Variants in PTPN11 observed in about 807,000 individuals in gnomAD.
PTPN11 encodes the protein protein tyrosine phosphatase non-receptor type 11, also known as tyrosine-protein phosphatase non-receptor type 11.
PTPN11 carries 6 observed loss-of-function variants against 78.8 expected under a neutral mutation model. The observed-to-expected ratio is 0.08, with a 90% CI of 0.04 to 0.15. The LOEUF (loss-of-function observed/expected upper bound fraction) is 0.15, where lower values mean the gene tolerates loss of function less well. PTPN11 is among the 10% of genes least tolerant of loss of function. PTPN11 has a pLI of 1.00. For missense variants in PTPN11, 386 were observed against 744.8 expected (o/e 0.52, Z 5.61); for synonymous variants, 221 against 263.5 (o/e 0.84, Z 1.56).
chr12:112,489,236 T>C, intron 13 of PTPN11, 61 bp downstream of exon 13: 2 of 1,589,822 alleles, frequency 1.3e-6, no homozygotes, highest in South Asian at 1.1e-5. Context: ...TTGGATACGC[T>C]CTCCTTTTGA....
At chr12:112,502,646 C>A (rs2038889889) in intron 14 of PTPN11, among the ~76,000 whole-genome samples, 1 of 152,130 alleles carries the variant, frequency 6.6e-6, no homozygotes, top group African/African-American at 2.4e-5. Context: ...ACTCAGGAGG[C>A]TGAGGCAGGA....
chr12:112,482,034 GT>G lies in PTPN11; in HGVS notation c.1093-38del. On this transcript the variant is annotated intron_variant, in intron 9 of 15. Transcript: ENST00000351677. This position sits in a 1 kb window ranked among gnomAD's most constrained non-coding sequence, Gnocchi z 4.4. ...TGCTTGTTTAGGCTTTTATTTCAGAGTTCACAGAATTAACTTTCTTTTTTTC... is the reference window on the plus strand; with the variant it reads ...TGCTTGTTTAGGCTTTTATTTCAGAGTCACAGAATTAACTTTCTTTTTTTC... 6.5e-7 allele frequency: 1 copy of G among 1,527,226 alleles called. No homozygotes were observed. The highest frequency in any genetic ancestry group is 9.1e-7 in the Non-Finnish European group (1 of 1,102,762). 94.6% of individuals were successfully genotyped at this position (1,527,226 alleles called of 1,614,324 possible). A position where few individuals can be genotyped will look rare whatever the true frequency, so the allele number is the denominator to read the frequency against.
In PTPN11 at chr12:112,482,499, C is replaced by T. The variant is rs2038611738; in HGVS notation, c.1224+294C>T. Among the ~76,000 whole-genome samples the T allele has an allele frequency of 6.6e-6, 1 of 152,110 alleles. No homozygotes were observed. The highest frequency in any genetic ancestry group is 2.4e-5 in the African/African-American group (1 of 41,412). On this transcript the variant is annotated intron_variant, in intron 10 of 15. Coordinates refer to ENST00000351677, the MANE Select transcript of PTPN11 (RefSeq NM_002834.5). This position sits in a 1 kb window ranked among gnomAD's most constrained non-coding sequence, Gnocchi z 4.4. ...CCTGTAATCCCAGCACTTTGGGAGG[C>T]TGAGGTGGGTGGATCGCTTGAGCCG...
At chr12:112,479,998 T>C (rs991715522) in intron 9 of PTPN11, among the ~76,000 whole-genome samples, 2 of 152,226 alleles carry the variant, frequency 1.3e-5, no homozygotes, top group Non-Finnish European at 2.9e-5. Flanking sequence ...CAAGCCAGAC[T>C]GTGGACTGTG....
intron 1 of PTPN11, among the ~76,000 whole-genome samples, chr12:112,435,046 G>A (rs2037768464): frequency 6.6e-6 from 1 of 150,778 alleles, no homozygotes; most frequent in Non-Finnish European, 1.5e-5. Flanking sequence ...CTTGGCCTCC[G>A]AAAGTGCTGT....
chr12:112,459,990 C>G (rs2038224727), intron 6 of PTPN11, among the ~76,000 whole-genome samples: 1 of 152,002 alleles, frequency 6.6e-6, no homozygotes, highest in Admixed American at 6.6e-5. Flanking sequence ...CTCTGTTGCC[C>G]AGGCTGGAGT....
intron 1 of PTPN11, among the ~76,000 whole-genome samples, chr12:112,421,880 G>A (rs781269794): frequency 1.3e-5 from 2 of 152,070 alleles, no homozygotes; most frequent in Non-Finnish European, 2.9e-5. Context: ...TTCCTGCCTC[G>A]GCCTCCCAAA....
At chr12:112,441,273 TA>T (rs1482761726) in intron 1 of PTPN11, among the ~76,000 whole-genome samples, 1 of 149,612 alleles carries the variant, frequency 6.7e-6, no homozygotes, top group East Asian at 2.0e-4. Context: ...CTTTTTTTTT[TA>T]AATCTGAGAA....
At chr12:112,466,722 A>AG (rs1230103812) in intron 6 of PTPN11, among the ~76,000 whole-genome samples, 1 of 152,162 alleles carries the variant, frequency 6.6e-6, no homozygotes, top group Non-Finnish European at 1.5e-5. Context: ...AATTTAAGAA[A>AG]GAAAAAAAAT....
chr12:112,453,793 G>A (rs1264185330), intron 4 of PTPN11, among the ~76,000 whole-genome samples: 1 of 151,862 alleles, frequency 6.6e-6, no homozygotes, highest in African/African-American at 2.4e-5. Flanking sequence ...GGGACTACAG[G>A]TGTGTGCCAC....
intron 9 of PTPN11, among the ~76,000 whole-genome samples, 181 bp downstream of exon 9, chr12:112,478,196 G>C (rs540125705): frequency 6.6e-6 from 1 of 151,998 alleles, no homozygotes; most frequent in Non-Finnish European, 1.5e-5. Context: ...TGTTTCTTCT[G>C]CTTGGGATTT....
intron 1 of PTPN11, among the ~76,000 whole-genome samples, chr12:112,444,641 C>A (rs1180334611): frequency 6.6e-6 from 1 of 152,064 alleles, no homozygotes; most frequent in Non-Finnish European, 1.5e-5. Flanking sequence ...CACCTGGCCT[C>A]CATGTTTCAA....
At position 112,477,890 on chromosome 12, in the gene PTPN11, C is replaced by A. The variant is rs779400765; in HGVS notation, c.967C>A (p.Pro323Thr). 2 of 1,613,982 alleles carry A rather than the reference C, an allele frequency of 1.2e-6. No homozygotes were observed. The highest frequency in any genetic ancestry group is 2.7e-5 in the African/African-American group (2 of 74,910). Reference protein sequence around the residue: ...EFETKCNNSKPKKSYIATQGC... With the variant: ...EFETKCNNSKTKKSYIATQGC... ...TGAAACCAAGTGCAACAATTCAAAGCCCAAAAAGAGTTACATTGCCACACA... is the reference window on the plus strand; with the variant it reads ...TGAAACCAAGTGCAACAATTCAAAGACCAAAAAGAGTTACATTGCCACACA... Residue 323 changes from proline (P) to threonine (T), a missense_variant, in exon 9 of 16, where the codon CCC (proline) becomes ACC (threonine). Transcript: ENST00000351677.
intron 15 of PTPN11, among the ~76,000 whole-genome samples, 169 bp from the exon 16 acceptor site, chr12:112,505,656 C>CAAAAAAAAAAAAAAAAAAAAAA (rs1191524369): frequency 2.7e-5 from 1 of 36,734 alleles, no homozygotes; most frequent in Non-Finnish European, 6.4e-5. Flanking sequence ...AACTCCATCT[C>CAAAAAAAAAAAAAAAAAAAAAA]AAAAAAAAAA....
intron 6 of PTPN11, among the ~76,000 whole-genome samples, chr12:112,472,536 C>CTTT (rs71445574): frequency 7.0e-6 from 1 of 141,950 alleles, no homozygotes; most frequent in Non-Finnish European, 1.6e-5. Flanking sequence ...GATGAACCTT[C>CTTT]TTTTTTTTTT....
intron 6 of PTPN11, among the ~76,000 whole-genome samples, chr12:112,463,814 T>A (rs993477253): frequency 1.4e-4 from 22 of 152,344 alleles, no homozygotes; most frequent in African/African-American, 5.3e-4. Context: ...ACTGAAGCTA[T>A]ATCTAAATAG....
intron 14 of PTPN11, among the ~76,000 whole-genome samples, chr12:112,503,985 C>T (rs975572948): frequency 6.6e-6 from 1 of 152,188 alleles, no homozygotes; most frequent in Non-Finnish European, 1.5e-5. Flanking sequence ...AAATAGATCT[C>T]TCATCACTGC....
intron 1 of PTPN11, among the ~76,000 whole-genome samples, chr12:112,419,513 C>T (rs1181132786): frequency 6.6e-6 from 1 of 152,176 alleles, no homozygotes; most frequent in Non-Finnish European, 1.5e-5. Flanking sequence ...TGGGGAGGCT[C>T]CTTGGGACAC....
In PTPN11 at chr12:112,508,559, T is replaced by C. The variant is rs1422715420; in HGVS notation, c.*2767T>C. 1.3e-5 allele frequency: 2 copies of C among 152,248 alleles called. No homozygotes were observed. The highest frequency in any genetic ancestry group is 2.4e-5 in the African/African-American group (1 of 41,446). The allele number at this position is 152,248 out of a possible 1,614,324, so 9.4% of individuals were successfully genotyped here. ...CACATGGATGCCATCTACTTCTAGG[T>C]TGCTGGTGGGTATTAAATATGCACA... On this transcript the variant is annotated 3_prime_UTR_variant, in exon 16 of 16. Coordinates refer to ENST00000351677, the MANE Select transcript of PTPN11 (RefSeq NM_002834.5).
Sources: gnomAD v4.1 joint callset for allele counts (sites outside exome capture counted in the v4.1 genomes callset) on GRCh38, gnomAD v4.1.1 for gene constraint, Gnocchi (gnomAD v3.1) non-coding constraint, MANE v1.5 for transcripts, NCBI Gene and HGNC (gene_info 2026-07-23, HGNC 2026-07-21) for gene names.